The following MTUS2 variants were observed in gnomAD, a reference collection of about 807,000 sequenced individuals.
MTUS2 encodes microtubule associated scaffold protein 2.
In MTUS2, 40 loss-of-function variants were observed where a neutral mutation model predicts 114.1. That is an observed-to-expected ratio of 0.35 (90% CI 0.27 to 0.46). MTUS2 has a LOEUF of 0.46. Ranked by LOEUF, MTUS2 falls within the 20% of genes least tolerant of loss-of-function variation. The pLI is 1.00. For missense variants in MTUS2, 1,679 were observed against 1,705.4 expected, an observed-to-expected ratio of 0.98 and a Z score of 0.27; for synonymous variants, 688 against 672.0, an observed-to-expected ratio of 1.02 and a Z score of -0.37.
chr13:29,280,402 C>T (rs1898222868), intron 5 of MTUS2, among the ~76,000 whole-genome samples: 3 of 152,096 alleles, frequency 2.0e-5, no homozygotes, highest in African/African-American at 7.2e-5. Context: ...ATGGTGCATT[C>T]TTTGATTTCT....
At position 29,247,714 on chromosome 13, in the gene MTUS2, C is replaced by T. The variant is rs1593219247; in HGVS notation, c.2645-33990C>T. Among the ~76,000 whole-genome samples, 4 of 152,198 alleles carry T rather than the reference C, an allele frequency of 2.6e-5. No homozygotes were observed. In the South Asian group the frequency reaches 8.3e-4, roughly 32 times the overall value. On this transcript the variant is annotated intron_variant, in intron 5 of 15. Transcript: ENST00000612955. ...ACTACAATGTGATACCGCCATACTCCTGCAAGAATGCCCGTAATCAAAAAA... is the reference window on the plus strand; with the variant it reads ...ACTACAATGTGATACCGCCATACTCTTGCAAGAATGCCCGTAATCAAAAAA...
chr13:29,111,092 A>G (rs772848916), intron 5 of MTUS2, among the ~76,000 whole-genome samples: 4 of 152,172 alleles, frequency 2.6e-5, no homozygotes, highest in Non-Finnish European at 5.9e-5. Flanking sequence ...TATTCTGTAT[A>G]AAAAATGGAA....
intron 5 of MTUS2, among the ~76,000 whole-genome samples, chr13:29,206,992 T>A (rs1287185319): frequency 6.6e-6 from 1 of 152,200 alleles, no homozygotes; most frequent in Non-Finnish European, 1.5e-5. Flanking sequence ...GTAGATTGCT[T>A]TTGGCAGTGT....
chr13:29,128,458 CA>C (rs1891612528), intron 5 of MTUS2, among the ~76,000 whole-genome samples: 1 of 152,068 alleles, frequency 6.6e-6, no homozygotes, highest in Admixed American at 6.5e-5. Flanking sequence ...AAGAGGTCTT[CA>C]GGATTATTTC....
At chr13:29,383,532 A>G (rs1369978372) in intron 8 of MTUS2, among the ~76,000 whole-genome samples, 2 of 152,164 alleles carry the variant, frequency 1.3e-5, no homozygotes, top group Non-Finnish European at 2.9e-5. Flanking sequence ...TTTGTTTCAC[A>G]TGGGAAAATG....
intron 1 of MTUS2, among the ~76,000 whole-genome samples, chr13:28,837,822 C>T (rs1875198982): frequency 6.6e-6 from 1 of 152,076 alleles, no homozygotes; most frequent in Admixed American, 6.6e-5. Flanking sequence ...TACCTTCAAC[C>T]CTGTAGTGGT....
intron 2 of MTUS2, among the ~76,000 whole-genome samples, chr13:28,842,578 C>A (rs1023283646): frequency 6.6e-6 from 1 of 152,156 alleles, no homozygotes; most frequent in East Asian, 1.9e-4. Flanking sequence ...TGTCCTGAAA[C>A]TTCATGATTT....
chr13:29,052,178 T>G lies in MTUS2; in HGVS notation c.2446+18053T>G, dbSNP rs181398106. Among the ~76,000 whole-genome samples the G allele has an allele frequency of 1.4e-4, 22 of 152,276 alleles. No homozygotes were observed. The East Asian group carries it at 4.2e-3, about 29-fold the overall frequency. The stretch of plus-strand genomic sequence containing the variant: ...CATTTTGCAGTCCTTTTGCTCAGCT[T>G]TTTTCTTAGAAAATCAAAACAGGCC... On this transcript the variant is annotated intron_variant, in intron 4 of 15. Transcript: ENST00000612955.
chr13:28,821,676 A>C (rs1451129322), intron 1 of MTUS2, among the ~76,000 whole-genome samples: 5 of 152,226 alleles, frequency 3.3e-5, no homozygotes, highest in African/African-American at 1.2e-4. Flanking sequence ...GATACCTGTA[A>C]TGTTAAAAAG....
chr13:29,336,210 G>C (rs1322726615), intron 7 of MTUS2, among the ~76,000 whole-genome samples: 1 of 152,174 alleles, frequency 6.6e-6, no homozygotes, highest in South Asian at 2.1e-4. Context: ...TCCTTTGGAG[G>C]AGAAAAGGCA....
chr13:29,221,941 T>A (rs564413682), intron 5 of MTUS2, among the ~76,000 whole-genome samples: 68 of 152,304 alleles, frequency 4.5e-4, no homozygotes, highest in African/African-American at 1.6e-3. Context: ...GATGTCTCAT[T>A]TTATTTTCTT....
chr13:29,291,624 T>G (rs1898718219), intron 6 of MTUS2, among the ~76,000 whole-genome samples: 1 of 152,164 alleles, frequency 6.6e-6, no homozygotes, highest in East Asian at 1.9e-4. Flanking sequence ...TCCATCAGCC[T>G]CGGTCCTGCT....
intron 5 of MTUS2, among the ~76,000 whole-genome samples, chr13:29,174,958 T>A (rs1338350295): frequency 6.6e-6 from 1 of 152,352 alleles, no homozygotes; most frequent in East Asian, 1.9e-4. Flanking sequence ...CTGACAACCA[T>A]TCAGCCTCTT....
intron 5 of MTUS2, among the ~76,000 whole-genome samples, chr13:29,138,263 C>T (rs2138989311): frequency 6.6e-6 from 1 of 151,996 alleles, no homozygotes. Flanking sequence ...CTCACCCTCC[C>T]CAGGAAGTTG....
chr13:29,473,461 G>A (rs1880463175), intron 9 of MTUS2, among the ~76,000 whole-genome samples: 1 of 152,146 alleles, frequency 6.6e-6, no homozygotes, highest in Non-Finnish European at 1.5e-5. Flanking sequence ...AATTAAGCTT[G>A]TCTTATAAAT....
intron 5 of MTUS2, among the ~76,000 whole-genome samples, chr13:29,168,358 A>T: frequency 6.6e-6 from 1 of 152,236 alleles, no homozygotes; most frequent in Admixed American, 6.5e-5. Flanking sequence ...TCCATCTAAC[A>T]TTAATAAATA....
rs377752829 is a variant in MTUS2 at position 28,934,102 on chromosome 13, C to A, written c.-242-90355C>A. ...GAATTAGTTCTCACTCTCCTACCAA[C>A]TACCACAATTAAGTGAAGGCTCTTG... On this transcript the variant is annotated intron_variant, in intron 2 of 15. Coordinates refer to ENST00000612955, the MANE Select transcript of MTUS2 (RefSeq NM_001033602.4). Among the ~76,000 whole-genome samples, 3 of 152,358 alleles carry A rather than the reference C, an allele frequency of 2.0e-5. 1 individual carries two copies. Among genetic ancestry groups the A allele is most frequent in the African/African-American group, 7.2e-5 (3 of 41,586 alleles).
chr13:28,855,508 A>G (rs540107333), intron 2 of MTUS2, among the ~76,000 whole-genome samples: 53 of 152,220 alleles, frequency 3.5e-4, no homozygotes, highest in African/African-American at 1.1e-3. Context: ...CCCACTTATA[A>G]GTGAGAACAT....
At chr13:28,990,502 A>G (rs9508210) in intron 2 of MTUS2, among the ~76,000 whole-genome samples, 7 of 152,224 alleles carry the variant, frequency 4.6e-5, no homozygotes, top group South Asian at 2.1e-4. Context: ...AAATGCACCA[A>G]TCAGCACTCT....
Sources: allele counts gnomAD v4.1 joint callset (sites outside exome capture counted in the v4.1 genomes callset), GRCh38; gene constraint gnomAD v4.1.1; transcripts MANE v1.5; gene names NCBI Gene and HGNC (gene_info 2026-07-23, HGNC 2026-07-21).